OR11A1: variants seen among roughly 807,000 people sequenced by gnomAD.
The protein encoded by OR11A1 is olfactory receptor 11A1.
For synonymous variants in OR11A1, 158 were observed against 152.2 expected, an observed-to-expected ratio of 1.04 and a Z score of -0.28; for missense variants, 380 against 378.2, an observed-to-expected ratio of 1.00 and a Z score of -0.04.
chr6:29,426,637 G>T lies in OR11A1; in HGVS notation c.*57C>A, dbSNP rs1023001729. 4 of 1,372,796 alleles carry T rather than the reference G, an allele frequency of 2.9e-6. No individual in the cohort carries two copies. The highest frequency in any genetic ancestry group is 4.0e-6 in the Non-Finnish European group (4 of 996,000). The allele number at this position is 1,372,796 out of a possible 1,614,324, so 85.0% of individuals were successfully genotyped here. A position where few individuals can be genotyped will look rare whatever the true frequency, so the allele number is the denominator to read the frequency against. On this transcript the variant is annotated 3_prime_UTR_variant, in exon 5 of 5. Transcript: ENST00000377149. ...AAGTTACTCCTCTCCAACCCATCCT[G>T]GAAGAGTCCCCAGTGGAGGTGTCCG...
At chr6:29,443,539 T>TG (rs11420744) in intron 1 of OR11A1, among the ~76,000 whole-genome samples, 14,829 of 152,110 alleles carry the variant, frequency 0.097, 1,344 homozygotes, top group African/African-American at 0.24. Flanking sequence ...TTTCACAATT[T>TG]TTTATTTATT....
chr6:29,455,204 C>T (rs1057514107), intron 1 of OR11A1, among the ~76,000 whole-genome samples: 14 of 152,060 alleles, frequency 9.2e-5, no homozygotes, highest in African/African-American at 2.9e-4. Context: ...CCTTTGAAGA[C>T]GCCATTCAAA....
rs767353058 is a variant in OR11A1, at chr6:29,427,424, A to T, written c.218T>A (p.Ile73Asn). Residue 73 changes from isoleucine to asparagine, a missense_variant, in exon 5 of 5, where the codon ATT becomes AAT. By Grantham distance (149) the Ile-to-Asn change is moderately radical. Coordinates refer to ENST00000377149, the MANE Select transcript of OR11A1 (RefSeq NM_001394828.1). Reference protein sequence around the residue: ...IFLANLSFLDILYTSAVMPKM... With the variant: ...IFLANLSFLDNLYTSAVMPKM... ...TGGCATCACTGCGGAGGTGTAGAGA[A>T]TATCCAGGAAGGACAGATTCGCCAA... 1 of 1,613,120 alleles carries T rather than the reference A, an allele frequency of 6.2e-7. No individual in the cohort carries two copies.
chr6:29,441,058 A>C (rs1302724382), intron 1 of OR11A1: 1 of 741,870 alleles, frequency 1.3e-6, no homozygotes, highest in Non-Finnish European at 2.2e-6. Context: ...GGGGAGGGCC[A>C]GCCTGTCAGA....
At chr6:29,432,031 C>T in intron 1 of OR11A1, 44 bp from the exon 2 acceptor site, 1 of 984,636 alleles carries the variant, frequency 1.0e-6, no homozygotes, top group Non-Finnish European at 1.2e-6. Context: ...ACCCTTGTTA[C>T]CCTCCACTCC....
chr6:29,435,807 G>A (rs1020317281), intron 1 of OR11A1, among the ~76,000 whole-genome samples: 3 of 152,092 alleles, frequency 2.0e-5, no homozygotes, highest in Non-Finnish European at 4.4e-5. Context: ...TATTATCCAG[G>A]GCAGATGGTG....
At chr6:29,427,754 A>ATTTTGTCTTTTTT in intron 4 of OR11A1, 22 bp from the exon 5 acceptor site, 5 of 1,442,334 alleles carry the variant, frequency 3.5e-6, no homozygotes, top group Non-Finnish European at 4.6e-6. Flanking sequence ...CAAAACAAAA[A>ATTTTGTCTTTTTT]AGACAAAAAT....
chr6:29,432,038 C>T, intron 1 of OR11A1, 51 bp from the exon 2 acceptor site: 2 of 983,184 alleles, frequency 2.0e-6, no homozygotes, highest in Non-Finnish European at 2.4e-6. Context: ...TTACCCTCCA[C>T]TCCTGAGCCA....
At chr6:29,443,970 AT>A (rs59627448) in intron 1 of OR11A1, among the ~76,000 whole-genome samples, 6,442 of 151,258 alleles carry the variant, frequency 0.043, 245 homozygotes, top group African/African-American at 0.095. Context: ...CCAATCAGTA[AT>A]TAAAAAAAAA....
At chr6:29,437,781 A>G (rs1340556293) in intron 1 of OR11A1, among the ~76,000 whole-genome samples, 1 of 152,180 alleles carries the variant, frequency 6.6e-6, no homozygotes, top group East Asian at 1.9e-4. Flanking sequence ...AAATTATTCT[A>G]CTCCATTCTG....
intron 1 of OR11A1, chr6:29,441,032 GT>G: frequency 1.0e-6 from 1 of 966,580 alleles, no homozygotes; most frequent in Non-Finnish European, 1.5e-6. Context: ...CTCCCTTAAG[GT>G]CTTTCTTCAC....
intron 1 of OR11A1, chr6:29,440,141 C>G: frequency 6.2e-7 from 1 of 1,613,514 alleles, no homozygotes; most frequent in South Asian, 1.1e-5. Flanking sequence ...CAGGCAATTT[C>G]CTCATTGTGG....
chr6:29,449,129 G>A (rs980684680), intron 1 of OR11A1, among the ~76,000 whole-genome samples: 3 of 152,160 alleles, frequency 2.0e-5, no homozygotes, highest in Non-Finnish European at 4.4e-5. Context: ...TATGTACTAG[G>A]ATTCACTTGT....
chr6:29,439,996 G>A, intron 1 of OR11A1: 1 of 1,596,386 alleles, frequency 6.3e-7, no homozygotes, highest in Non-Finnish European at 8.6e-7. Flanking sequence ...TTGTCTTCCA[G>A]TCAAAGGTAT....
intron 1 of OR11A1, among the ~76,000 whole-genome samples, chr6:29,452,025 A>G (rs1199635998): frequency 6.6e-6 from 1 of 152,210 alleles, no homozygotes; most frequent in Non-Finnish European, 1.5e-5. Flanking sequence ...TGGCCTTTGC[A>G]GCAACATGGA....
At chr6:29,437,743 T>C (rs1443924428) in intron 1 of OR11A1, among the ~76,000 whole-genome samples, 3 of 152,234 alleles carry the variant, frequency 2.0e-5, no homozygotes, top group African/African-American at 7.2e-5. Flanking sequence ...CTACATAGGT[T>C]ACACTAAGAG....
intron 1 of OR11A1, among the ~76,000 whole-genome samples, chr6:29,445,360 G>A (rs1169011454): frequency 1.3e-5 from 2 of 152,142 alleles, no homozygotes; most frequent in Non-Finnish European, 1.5e-5. Context: ...TGTGGCATCA[G>A]GGAGGGAGGG....
At chr6:29,456,453 T>A (rs1392441846) in intron 1 of OR11A1, among the ~76,000 whole-genome samples, 4 of 150,672 alleles carry the variant, frequency 2.7e-5, no homozygotes, top group Admixed American at 2.0e-4. Flanking sequence ...GAGTTTTCAG[T>A]GAGCCGAGAT....
intron 1 of OR11A1, chr6:29,439,772 T>C (rs906548667): frequency 7.1e-6 from 4 of 562,342 alleles, no homozygotes; most frequent in Admixed American, 3.2e-5. Flanking sequence ...CAGGAAGAGA[T>C]GAAGTCAGGG....
Sources: allele counts gnomAD v4.1 joint callset (sites outside exome capture counted in the v4.1 genomes callset), GRCh38; gene constraint gnomAD v4.1.1; transcripts MANE v1.5; gene names NCBI Gene and HGNC (gene_info 2026-07-23, HGNC 2026-07-21).